Variants in G3BP2 observed in about 807,000 individuals in gnomAD.
G3BP2 encodes ras GTPase-activating protein-binding protein 2.
Under a neutral mutation model 56.7 loss-of-function variants are expected in G3BP2, and 11 were observed. That is an observed-to-expected ratio of 0.19 (90% confidence interval 0.12 to 0.32). The LOEUF (loss-of-function observed/expected upper bound fraction) is 0.32, where lower values mean the gene tolerates loss of function less well. G3BP2 is among the 10% of genes least tolerant of loss of function. The pLI is 1.00. For missense variants in G3BP2, 340 were observed against 610.9 expected (o/e 0.56, Z 4.67); for synonymous variants, 165 against 191.6 (o/e 0.86, Z 1.15).
At chr4:75,701,778 T>G (rs1226703403) in intron 3 of G3BP2, among the ~76,000 whole-genome samples, 4 of 152,214 alleles carry the variant, frequency 2.6e-5, no homozygotes, top group Non-Finnish European at 5.9e-5. Flanking sequence ...CAAACACAAA[T>G]ACTGATACAA....
At chr4:75,681,125 A>G (rs1734054821) in intron 3 of G3BP2, among the ~76,000 whole-genome samples, 2 of 151,674 alleles carry the variant, frequency 1.3e-5, no homozygotes, top group South Asian at 4.1e-4. Flanking sequence ...GGAGTTCAAG[A>G]CCAGCCTGGC....
At chr4:75,722,284 A>T (rs149601060) in intron 1 of G3BP2, among the ~76,000 whole-genome samples, 1 of 152,308 alleles carries the variant, frequency 6.6e-6, no homozygotes, top group East Asian at 1.9e-4. Context: ...GGGAAAATTC[A>T]TAGTAAGCTG....
At chr4:75,646,964 C>T (rs576884402) in intron 10 of G3BP2, 65 bp downstream of exon 10, 4 of 965,586 alleles carry the variant, frequency 4.1e-6, no homozygotes, top group Non-Finnish European at 6.1e-6. Flanking sequence ...ATTAAAAAAG[C>T]TCCATATGCC....
intron 1 of G3BP2, among the ~76,000 whole-genome samples, chr4:75,667,283 C>T (rs1393890586): frequency 1.1e-5 from 1 of 89,172 alleles, no homozygotes; most frequent in Non-Finnish European, 2.4e-5. Flanking sequence ...GAGTGAGACA[C>T]TGTTTAAAAA....
At chr4:75,719,488 A>G (rs1015560095) in intron 3 of G3BP2, among the ~76,000 whole-genome samples, 1 of 152,166 alleles carries the variant, frequency 6.6e-6, no homozygotes, top group Non-Finnish European at 1.5e-5. Flanking sequence ...TCCCAAAAAC[A>G]ACCACAGGAG....
At chr4:75,663,370 C>A (rs978463999) in intron 1 of G3BP2, among the ~76,000 whole-genome samples, 5 of 152,184 alleles carry the variant, frequency 3.3e-5, no homozygotes, top group African/African-American at 1.2e-4. Context: ...CAGGCTCAAG[C>A]GATCCTCCCC....
chr4:75,647,830 T>A (rs1170120001), intron 9 of G3BP2, among the ~76,000 whole-genome samples: 1 of 152,212 alleles, frequency 6.6e-6, no homozygotes, highest in Non-Finnish European at 1.5e-5. Flanking sequence ...ACATTGTAAA[T>A]GTGATATATA....
chr4:75,672,182 A>C (rs954889810), intron 1 of G3BP2, among the ~76,000 whole-genome samples: 1 of 152,174 alleles, frequency 6.6e-6, no homozygotes, highest in Admixed American at 6.5e-5. Flanking sequence ...GTTGTTATGA[A>C]GGAAAAGGCA....
chr4:75,675,880 G>C (rs1733857760), upstream of G3BP2, among the ~76,000 whole-genome samples: 1 of 152,076 alleles, frequency 6.6e-6, no homozygotes. Flanking sequence ...TTTTGGTTTT[G>C]AGCGCCACGT....
At chr4:75,675,919 C>T (rs1733860321), upstream of G3BP2, among the ~76,000 whole-genome samples, 1 of 152,198 alleles carries the variant, frequency 6.6e-6, no homozygotes, top group Admixed American at 6.5e-5. Flanking sequence ...TCCTCTCTCT[C>T]TCGCATCCTT....
At chr4:75,718,541 G>C (rs953639058) in intron 3 of G3BP2, among the ~76,000 whole-genome samples, 1 of 152,110 alleles carries the variant, frequency 6.6e-6, no homozygotes, top group Non-Finnish European at 1.5e-5. Flanking sequence ...TTCTTATCCT[G>C]ATAAACATTC....
At chr4:75,694,064 T>C (rs1553892183) in intron 3 of G3BP2, among the ~76,000 whole-genome samples, 1 of 152,188 alleles carries the variant, frequency 6.6e-6, no homozygotes, top group Non-Finnish European at 1.5e-5. Flanking sequence ...CAATCCCTGC[T>C]AAAGAGACAG....
chr4:75,656,798 A>G, intron 5 of G3BP2, 126 bp downstream of exon 5: 1 of 641,286 alleles, frequency 1.6e-6, no homozygotes, highest in Non-Finnish European at 2.8e-6. Flanking sequence ...CAAAACCATG[A>G]AAAAAGGATG....
At chr4:75,721,962 C>T (rs1720194870) in intron 2 of G3BP2, among the ~76,000 whole-genome samples, 1 of 152,012 alleles carries the variant, frequency 6.6e-6, no homozygotes, top group Non-Finnish European at 1.5e-5. Context: ...CAAGTCAGGC[C>T]GTCACAATTT....
chr4:75,663,292 T>C (rs921046275), intron 1 of G3BP2, among the ~76,000 whole-genome samples: 2 of 152,176 alleles, frequency 1.3e-5, no homozygotes, highest in Non-Finnish European at 2.9e-5. Flanking sequence ...GGTCTCGCTC[T>C]GTCACCTAGG....
At chr4:75,708,296 A>T (rs922917166) in intron 3 of G3BP2, among the ~76,000 whole-genome samples, 15 of 152,278 alleles carry the variant, frequency 9.9e-5, no homozygotes, top group Middle Eastern at 3.4e-3. Context: ...CCTACCATCA[A>T]GCCTGGCTAA....
chr4:75,662,186 C>T, intron 1 of G3BP2, 137 bp from the exon 2 acceptor site: 2 of 551,310 alleles, frequency 3.6e-6, no homozygotes, highest in Non-Finnish European at 6.6e-6. Flanking sequence ...TTAATAAGTT[C>T]TGATAACCCA....
At chr4:75,694,884 G>C in intron 3 of G3BP2, 1 of 985,448 alleles carries the variant, frequency 1.0e-6, no homozygotes, top group Non-Finnish European at 1.2e-6. Context: ...CAGCCGAAGG[G>C]GTTTTCAGTA....
intron 3 of G3BP2, among the ~76,000 whole-genome samples, chr4:75,719,730 C>T (rs568190323): frequency 8.6e-5 from 13 of 151,944 alleles, no homozygotes; most frequent in Admixed American, 2.6e-4. Flanking sequence ...GCTAGGATTA[C>T]AGGCATGCAC....
Sources: allele counts gnomAD v4.1 joint callset (sites outside exome capture counted in the v4.1 genomes callset), GRCh38; gene constraint gnomAD v4.1.1; transcripts MANE v1.5; gene names NCBI Gene and HGNC (gene_info 2026-07-23, HGNC 2026-07-21).